Variants in RUNX1 observed in about 807,000 individuals in gnomAD.
The protein encoded by RUNX1 is RUNX family transcription factor 1, also known as runt-related transcription factor 1.
In RUNX1, 19 loss-of-function variants were observed where a neutral mutation model predicts 42.8. That is an observed-to-expected ratio of 0.44 (90% CI 0.31 to 0.65). The LOEUF (loss-of-function observed/expected upper bound fraction) is 0.65. Ranked by LOEUF, RUNX1 falls within the 30% of genes least tolerant of loss-of-function variation. The probability of loss-of-function intolerance (pLI) is 0.07; values close to 1 mark genes in which losing one functional copy is unlikely to be tolerated. For missense variants in RUNX1, 528 were observed against 672.0 expected (o/e 0.79, Z 2.37); for synonymous variants, 271 against 289.4 (o/e 0.94, Z 0.64).
intron 2 of RUNX1, among the ~76,000 whole-genome samples, chr21:34,926,984 C>T (rs2058400338): frequency 6.6e-6 from 1 of 152,140 alleles, no homozygotes. Flanking sequence ...CCCCAGAGGT[C>T]CCTTTGGCTA....
At chr21:34,884,824 T>C (rs921185209) in intron 4 of RUNX1, among the ~76,000 whole-genome samples, 1 of 152,234 alleles carries the variant, frequency 6.6e-6, no homozygotes, top group African/African-American at 2.4e-5. Flanking sequence ...TCAGGGGATC[T>C]GCTTGAACTT....
chr21:34,910,852 G>C (rs2058266778), intron 2 of RUNX1, among the ~76,000 whole-genome samples: 1 of 151,922 alleles, frequency 6.6e-6, no homozygotes, highest in African/African-American at 2.4e-5. Context: ...CTCACCGCAG[G>C]CTCCAGCTCC....
intron 2 of RUNX1, among the ~76,000 whole-genome samples, chr21:34,952,993 C>T (rs2058619666): frequency 6.6e-6 from 1 of 152,176 alleles, no homozygotes; most frequent in African/African-American, 2.4e-5. Flanking sequence ...CACCCAGCTG[C>T]CCTTCCAACT....
chr21:35,048,901 G>A lies in RUNX1; in HGVS notation c.-2C>T, dbSNP rs375033964. 87 of 1,613,658 alleles carry A rather than the reference G, an allele frequency of 5.4e-5. 1 individual carries two copies. In the East Asian group the frequency reaches 7.8e-4, roughly 14 times the overall value. ...CTCAAATATGCTGTCTGAAGCCATC[G>A]CTTCCTCCTGAAAATGCACCCTCTT... On this transcript the variant is annotated 5_prime_UTR_variant, in exon 2 of 9. Transcript: ENST00000675419.
intron 2 of RUNX1, among the ~76,000 whole-genome samples, chr21:34,960,930 G>C (rs2058677497): frequency 6.6e-6 from 1 of 152,124 alleles, no homozygotes; most frequent in East Asian, 1.9e-4. Flanking sequence ...TCTTATTCAG[G>C]AATTGTATCA....
intron 4 of RUNX1, among the ~76,000 whole-genome samples, chr21:34,885,481 TA>T (rs1444963477): frequency 6.6e-6 from 1 of 151,922 alleles, no homozygotes; most frequent in African/African-American, 2.4e-5. Context: ...CCACCCCCAC[TA>T]AAAAACAAAA....
chr21:34,887,127 T>C, intron 3 of RUNX1, 31 bp from the exon 4 acceptor site: 3 of 1,598,036 alleles, frequency 1.9e-6, no homozygotes, highest in Non-Finnish European at 2.5e-6. Flanking sequence ...ACAAGCCGAT[T>C]GAGTTAGGAC....
chr21:34,932,583 A>G (rs1288318181), intron 2 of RUNX1, among the ~76,000 whole-genome samples: 1 of 152,202 alleles, frequency 6.6e-6, no homozygotes, highest in Non-Finnish European at 1.5e-5. Context: ...ATTATGTGAT[A>G]TCATTTGTGA....
intron 8 of RUNX1, chr21:34,798,041 GCT>G (rs1419016696): frequency 3.3e-5 from 15 of 456,610 alleles, no homozygotes; most frequent in African/African-American, 3.0e-4. Flanking sequence ...ATTCTGTGAA[GCT>G]CTGAACAGCA....
chr21:34,868,459 T>C (rs1231888219), intron 5 of RUNX1, among the ~76,000 whole-genome samples: 1 of 152,130 alleles, frequency 6.6e-6, no homozygotes, highest in African/African-American at 2.4e-5. Context: ...GCCCTATCTC[T>C]CTGTAAGGCT....
chr21:34,911,281 AC>A (rs2058270138), intron 2 of RUNX1, among the ~76,000 whole-genome samples: 1 of 152,174 alleles, frequency 6.6e-6, no homozygotes, highest in Non-Finnish European at 1.5e-5. Context: ...TGTCGACAAT[AC>A]ATTTATTGGG....
rs971186684 is a variant in RUNX1, at chr21:34,907,424, T to A, written c.59-14461A>T. ...ACTGGAAAATAGAGTGCTTCATCAG[T>A]AGTAAGGGTGAATACTGCTTCCTGA... is the stretch of plus-strand genomic sequence containing the variant. On this transcript the variant is annotated intron_variant, in intron 2 of 8. Coordinates refer to ENST00000675419, the MANE Select transcript of RUNX1 (RefSeq NM_001754.5). The surrounding 1 kb of genome is among the most constrained non-coding windows in gnomAD (Gnocchi z 5.3). Among the ~76,000 whole-genome samples the A allele has an allele frequency of 6.6e-6, 1 of 152,158 alleles. No individual in the cohort carries two copies. The highest frequency in any genetic ancestry group is 1.5e-5 in the Non-Finnish European group (1 of 68,022).
intron 2 of RUNX1, among the ~76,000 whole-genome samples, chr21:34,984,440 C>T (rs2058869972): frequency 2.7e-5 from 4 of 145,620 alleles, no homozygotes; most frequent in South Asian, 4.4e-4. Context: ...GAACTATACA[C>T]AGTCTTCCAT....
chr21:34,962,999 T>C (rs567740714), intron 2 of RUNX1, among the ~76,000 whole-genome samples: 1 of 152,210 alleles, frequency 6.6e-6, no homozygotes, highest in Non-Finnish European at 1.5e-5. Context: ...CAGCACTTTG[T>C]TCTCAATGAG....
chr21:34,978,321 G>A (rs562073195), intron 2 of RUNX1, among the ~76,000 whole-genome samples: 38 of 152,292 alleles, frequency 2.5e-4, no homozygotes, highest in African/African-American at 8.4e-4. Flanking sequence ...GTATGAGGGT[G>A]CTCATTCTAC....
At chr21:34,818,256 G>C (rs548032243) in intron 7 of RUNX1, among the ~76,000 whole-genome samples, 1 of 152,254 alleles carries the variant, frequency 6.6e-6, no homozygotes, top group African/African-American at 2.4e-5. Flanking sequence ...AACAGGCCAC[G>C]AGCTCCTTGT....
intron 2 of RUNX1, among the ~76,000 whole-genome samples, chr21:35,019,986 T>C (rs1316963295): frequency 2.6e-5 from 4 of 152,210 alleles, no homozygotes; most frequent in Admixed American, 2.6e-4. Context: ...GATAATGGGC[T>C]GTTTACATAG....
chr21:34,970,382 A>C (rs1601621463), intron 2 of RUNX1, among the ~76,000 whole-genome samples: 1 of 152,218 alleles, frequency 6.6e-6, no homozygotes, highest in Non-Finnish European at 1.5e-5. Flanking sequence ...TTCCAAATTA[A>C]ATCAGTTCAT....
chr21:34,835,870 G>GA (rs2057138593), intron 6 of RUNX1, among the ~76,000 whole-genome samples: 1 of 152,066 alleles, frequency 6.6e-6, no homozygotes, highest in African/African-American at 2.4e-5. Context: ...GCAGCCTGGG[G>GA]TAAGAGCAGA....
Sources: gnomAD v4.1 joint callset for allele counts (sites outside exome capture counted in the v4.1 genomes callset) on GRCh38, gnomAD v4.1.1 for gene constraint, Gnocchi (gnomAD v3.1) non-coding constraint, MANE v1.5 for transcripts, NCBI Gene and HGNC (gene_info 2026-07-23, HGNC 2026-07-21) for gene names.